The following MROH2A variants were observed in gnomAD, a reference collection of about 807,000 sequenced individuals.
MROH2A encodes the protein maestro heat-like repeat-containing protein family member 2A.
Under a neutral mutation model 200.4 loss-of-function variants are expected in MROH2A, and 174 were observed. The ratio of observed to expected loss-of-function variants is 0.87; its 90% CI spans 0.77 to 0.98. The LOEUF (loss-of-function observed/expected upper bound fraction) is 0.98, where lower values mean the gene tolerates loss of function less well. Ranked by LOEUF, MROH2A falls within the 50% of genes least tolerant of loss-of-function variation. The pLI, the probability that MROH2A is intolerant of heterozygous loss-of-function variation, is 0.00. For synonymous variants in MROH2A, 829 were observed against 840.4 expected (o/e 0.99, Z 0.23); for missense variants, 2,045 against 2,139.6 (o/e 0.96, Z 0.87).
chr2:233,819,926 C>T lies in MROH2A; in HGVS notation c.3382C>T (p.Leu1128=), dbSNP rs1001263551. 5.2e-6 allele frequency: 8 copies of T among 1,528,098 alleles called. No individual in the cohort carries two copies. Among genetic ancestry groups the T allele is most frequent in the Non-Finnish European group, 7.1e-6 (8 of 1,131,898 alleles). 94.7% of individuals were successfully genotyped at this position (1,528,098 alleles called of 1,614,324 possible). A position where few individuals can be genotyped will look rare whatever the true frequency, so the allele number is the denominator to read the frequency against. Residue 1128 remains leucine (L), a synonymous_variant, in exon 31 of 42, where the codon CTG becomes TTG. Transcript: ENST00000389758. The part of the protein sequence containing the change: ...DKVAEILSAI[L]VHLPVVDHPE... ...GGTGGCCGAGATCCTGAGTGCCATC[C>T]TGGTGCACCTGCCGGTGGTGGACCA... is the stretch of plus-strand genomic sequence containing the variant.
chr2:233,786,685 A>G (rs992225806), intron 3 of MROH2A, among the ~76,000 whole-genome samples: 2 of 152,232 alleles, frequency 1.3e-5, no homozygotes, highest in African/African-American at 2.4e-5. Context: ...CTCTAGGGTC[A>G]GCAAGGACCC....
Position 233,816,772 on chromosome 2 carries a change from T to C in MROH2A, c.2857-9T>C, listed in dbSNP as rs1358669958. 1 of 1,546,236 alleles carries C rather than the reference T, an allele frequency of 6.5e-7. No homozygotes were observed. Among genetic ancestry groups the C allele is most frequent in the African/African-American group, 1.4e-5 (1 of 72,974 alleles). ...ACACCCACTTTGGTGTTCTGGGCTC[T>C]ACCCATAGCTCCTGGAAAAGTGGAT... On this transcript the variant is annotated splice_polypyrimidine_tract_variant and intron_variant, in intron 26 of 41. Transcript: ENST00000389758.
At chr2:233,777,785 T>C (rs35955453), upstream of MROH2A, among the ~76,000 whole-genome samples, 54 of 152,348 alleles carry the variant, frequency 3.5e-4, no homozygotes, top group African/African-American at 1.3e-3. Context: ...CAATATTTCA[T>C]TGTTGTACCT....
Position 233,794,484 on chromosome 2 carries a change from T to G in MROH2A, c.944T>G (p.Leu315Arg). The G allele has an allele frequency of 6.5e-7, 1 of 1,545,878 alleles. No individual in the cohort carries two copies. Among genetic ancestry groups the G allele is most frequent in the Non-Finnish European group, 8.8e-7 (1 of 1,142,704 alleles). ...PLLLAEYQGS[L>R]EVLFVTQVLR... ...CTGCTGGCGGAGTACCAGGGCAGTC[T>G]GGAGGTGCTCTTCGTCACGCAGGCG... The change falls in exon 8 of 42, where the codon CTG becomes CGG. Residue 315 changes from leucine to arginine, a missense_variant. By Grantham distance (102) the Leu-to-Arg change is moderately radical. Transcript: ENST00000389758.
upstream of MROH2A, among the ~76,000 whole-genome samples, chr2:233,776,077 A>T (rs571411486): frequency 3.3e-5 from 5 of 152,256 alleles, no homozygotes; most frequent in African/African-American, 1.2e-4. Context: ...TTTCTTTATA[A>T]ATTACCCAGT....
chr2:233,809,276 C>T lies in MROH2A; in HGVS notation c.2446C>T (p.Gln816Ter). The T allele has an allele frequency of 1.9e-6, 3 of 1,548,890 alleles. No homozygotes were observed. Among genetic ancestry groups the T allele is most frequent in the Non-Finnish European group, 1.7e-6 (2 of 1,145,608 alleles). The change falls in exon 22 of 42, where the codon CAG (glutamine) becomes TAG (stop). Residue 816 changes from glutamine to a stop codon, truncating the protein, a stop_gained and splice_region_variant. Coordinates refer to ENST00000389758, the MANE Select transcript of MROH2A (RefSeq NM_001394639.1). LOFTEE classifies it high-confidence loss of function. ...CATTCACCATTATGTCAGCAGCTGCCAGGTAGCCCCATCTGCTGCCTGGGG... is the reference window on the plus strand; with the variant it reads ...CATTCACCATTATGTCAGCAGCTGCTAGGTAGCCCCATCTGCTGCCTGGGG... Reference protein sequence around the residue: ...KIIHHYVSSCQDICLKMAFMK... With the variant: ...KIIHHYVSSC
chr2:233,778,039 C>G (rs1575880504), upstream of MROH2A, among the ~76,000 whole-genome samples: 1 of 152,198 alleles, frequency 6.6e-6, no homozygotes, highest in Admixed American at 6.5e-5. Context: ...CTGACCACAC[C>G]TCCCCACCCA....
chr2:233,796,379 G>T, intron 11 of MROH2A, 66 bp downstream of exon 11: 1 of 1,070,196 alleles, frequency 9.3e-7, no homozygotes, highest in Non-Finnish European at 1.4e-6. Context: ...GAACAAGGGA[G>T]GCAAGTTTCA....
intron 19 of MROH2A, 32 bp downstream of exon 19, chr2:233,805,143 C>T (rs1157352744): frequency 6.9e-7 from 1 of 1,444,276 alleles, no homozygotes; most frequent in Admixed American, 2.0e-5. Flanking sequence ...AGAGTTTGGA[C>T]AAGGAGTAGA....
In MROH2A at chr2:233,828,806, T is replaced by A; in HGVS notation, c.4263+27T>A. 1 of 1,548,090 alleles carries A rather than the reference T, an allele frequency of 6.5e-7. No individual in the cohort carries two copies. ...TACTGTGCCTGGCCCTGGGCCCAGG[T>A]CCCGGGAGCTGAGGGTGCAGGCCGG... On this transcript the variant is annotated intron_variant, in intron 36 of 41. Coordinates refer to ENST00000389758, the MANE Select transcript of MROH2A (RefSeq NM_001394639.1). This position sits in a 1 kb window ranked among gnomAD's most constrained non-coding sequence, Gnocchi z 4.6.
chr2:233,806,232 T>C (rs561935955), intron 19 of MROH2A, among the ~76,000 whole-genome samples: 7 of 152,162 alleles, frequency 4.6e-5, no homozygotes, highest in African/African-American at 1.7e-4. Context: ...ATTTTTATAA[T>C]GTTAACATGG....
Position 233,807,274 on chromosome 2 carries a change from T to C in MROH2A, c.2053-149T>C, listed in dbSNP as rs1334560381. On this transcript the variant is annotated intron_variant, in intron 19 of 41. Coordinates refer to ENST00000389758, the MANE Select transcript of MROH2A (RefSeq NM_001394639.1). The surrounding 1 kb of genome is among the most constrained non-coding windows in gnomAD (Gnocchi z 4.3). ...TTGGGCTGCTTCCACATTTTTGCAC[T>C]TGTGAATTGTGCTGCTGTAAACGTG... 1 of 873,076 alleles carries C rather than the reference T, an allele frequency of 1.1e-6. No homozygotes were observed. Among genetic ancestry groups the C allele is most frequent in the Non-Finnish European group, 1.7e-6 (1 of 597,108 alleles). The allele number at this position is 873,076 out of a possible 1,614,324, so 54.1% of individuals were successfully genotyped here.
chr2:233,787,430 C>T (rs1195362784), intron 3 of MROH2A, among the ~76,000 whole-genome samples: 5 of 134,558 alleles, frequency 3.7e-5, no homozygotes, highest in African/African-American at 1.4e-4. Context: ...CACACACACA[C>T]ATATGTATAT....
Position 233,819,636 on chromosome 2 carries a change from G to A in MROH2A, c.3357+167G>A, listed in dbSNP as rs112920382. On this transcript the variant is annotated intron_variant, in intron 30 of 41. Transcript: ENST00000389758. ...CAGAGTTCTAGAGCTAGAAAGAAGC[G>A]TGTTGAAGGTAGCCTCGTTAGTTAA... Among the ~76,000 whole-genome samples the A allele has an allele frequency of 1.5e-4, 23 of 152,354 alleles. No individual in the cohort carries two copies. In the East Asian group the frequency reaches 2.7e-3, roughly 18 times the overall value.
intron 3 of MROH2A, among the ~76,000 whole-genome samples, chr2:233,781,653 A>G (rs1380324042): frequency 6.6e-6 from 1 of 151,720 alleles, no homozygotes; most frequent in Non-Finnish European, 1.5e-5. Flanking sequence ...ATGGAGAGAT[A>G]TTCTCCTATT....
intron 26 of MROH2A, among the ~76,000 whole-genome samples, chr2:233,816,115 A>G (rs1320069392): frequency 6.6e-6 from 1 of 152,194 alleles, no homozygotes; most frequent in East Asian, 1.9e-4. Context: ...GATACCATCT[A>G]TCTTGGTAAA....
Position 233,816,889 on chromosome 2 carries a change from A to G in MROH2A, c.2961+4A>G. ...TGTCCACAGCACTGCTGTCTGTGTG[A>G]GTCCAGGAGTCCCCAGCCCCCAGCC... is the stretch of plus-strand genomic sequence containing the variant. On this transcript the variant is annotated splice_donor_region_variant and intron_variant, in intron 27 of 41. Coordinates refer to ENST00000389758, the MANE Select transcript of MROH2A (RefSeq NM_001394639.1). The G allele has an allele frequency of 6.6e-7, 1 of 1,507,168 alleles. No individual in the cohort carries two copies. Among genetic ancestry groups the G allele is most frequent in the Non-Finnish European group, 9.0e-7 (1 of 1,108,036 alleles). 93.4% of individuals were successfully genotyped at this position (1,507,168 alleles called of 1,614,324 possible). A position where few individuals can be genotyped will look rare whatever the true frequency, so the allele number is the denominator to read the frequency against.
chr2:233,787,481 T>C (rs1701270333), intron 3 of MROH2A, among the ~76,000 whole-genome samples: 1 of 133,276 alleles, frequency 7.5e-6, no homozygotes, highest in Admixed American at 8.8e-5. Flanking sequence ...CATATACATA[T>C]ATAATATATA....
At chr2:233,792,539 T>C in intron 5 of MROH2A, among the ~76,000 whole-genome samples, 1 of 152,118 alleles carries the variant, frequency 6.6e-6, no homozygotes, top group East Asian at 1.9e-4. Context: ...GACCTCGATC[T>C]CCTGACCTCG....
Sources: gnomAD v4.1 joint callset for allele counts (sites outside exome capture counted in the v4.1 genomes callset) on GRCh38, gnomAD v4.1.1 for gene constraint, Gnocchi (gnomAD v3.1) non-coding constraint, MANE v1.5 for transcripts, NCBI Gene and HGNC (gene_info 2026-07-23, HGNC 2026-07-21) for gene names.